Variants in IL13RA1 observed in about 807,000 individuals in gnomAD.
IL13RA1 encodes interleukin 13 receptor subunit alpha 1.
IL13RA1 carries 14 observed loss-of-function variants against 33.8 expected under a neutral mutation model. That is an observed-to-expected ratio of 0.41 (90% CI 0.27 to 0.65). The LOEUF (loss-of-function observed/expected upper bound fraction) is 0.65, where lower values mean the gene tolerates loss of function less well. IL13RA1 is among the 30% of genes least tolerant of loss of function. The pLI, the probability that IL13RA1 is intolerant of heterozygous loss-of-function variation, is 0.28. For synonymous variants in IL13RA1, 116 were observed against 115.7 expected, an observed-to-expected ratio of 1.00 and a Z score of -0.02; for missense variants, 313 against 327.0, an observed-to-expected ratio of 0.96 and a Z score of 0.33.
the IL13RA1 span, among the ~76,000 whole-genome samples, chrX:118,800,467 C>T: frequency 2.7e-5 from 3 of 110,646 alleles, no homozygotes; most frequent in Non-Finnish European, 3.8e-5. Context: ...GTAACACACA[C>T]CGCCAAGGTC....
the IL13RA1 span, among the ~76,000 whole-genome samples, chrX:118,804,394 TACACAC>T: frequency 1.2e-3 from 107 of 89,695 alleles, 1 homozygote; most frequent in East Asian, 0.014. Context: ...CAGCCATGCA[TACACAC>T]ACACACACAC....
chrX:118,730,005 G>C (rs1277447373), intron 1 of IL13RA1, among the ~76,000 whole-genome samples: 2 of 112,578 alleles, frequency 1.8e-5, no homozygotes, highest in Non-Finnish European at 3.7e-5. Flanking sequence ...TTGTTAAGAA[G>C]CTAATGATAC....
rs1049101284 is a variant in IL13RA1 at position 118,792,056 on chromosome X, T to C, written c.*202T>C. 1.5e-5 allele frequency: 4 copies of C among 263,978 alleles called. No homozygotes were observed. Among genetic ancestry groups the C allele is most frequent in the Non-Finnish European group, 2.6e-5 (4 of 151,688 alleles). 21.8% of individuals were successfully genotyped at this position (263,978 alleles called of 1,213,427 possible). A position where few individuals can be genotyped will look rare whatever the true frequency, so the allele number is the denominator to read the frequency against. ...GGGCGCTTTGGAGAAGAGTGTGGAG[T>C]CATTCTCATTGAATTATAAAAGCCA... On this transcript the variant is annotated 3_prime_UTR_variant, in exon 11 of 11. Transcript: ENST00000371666.
intron 1 of IL13RA1, among the ~76,000 whole-genome samples, chrX:118,729,968 G>T (rs2017198093): frequency 1.8e-5 from 2 of 112,027 alleles, no homozygotes; most frequent in Admixed American, 9.5e-5. Context: ...GGACGGCTTG[G>T]GACCCACGAA....
intron 10 of IL13RA1, among the ~76,000 whole-genome samples, chrX:118,777,093 A>AT (rs2017795340): frequency 1.8e-5 from 2 of 108,899 alleles, no homozygotes; most frequent in Non-Finnish European, 3.8e-5. Flanking sequence ...CTTTCCAGAA[A>AT]TTTTTCATCA....
intron 1 of IL13RA1, among the ~76,000 whole-genome samples, chrX:118,732,226 C>G (rs2017229630): frequency 9.1e-6 from 1 of 110,418 alleles, no homozygotes; most frequent in African/African-American, 3.3e-5. Flanking sequence ...CTGCCCCTAG[C>G]CCCTGGCAAA....
intron 10 of IL13RA1, among the ~76,000 whole-genome samples, chrX:118,784,088 AAAAT>A (rs2017877719): frequency 5.9e-5 from 3 of 50,765 alleles, no homozygotes; most frequent in African/African-American, 3.0e-4. Flanking sequence ...AAAAAAAAAA[AAAAT>A]ATATATATAT....
intron 4 of IL13RA1, among the ~76,000 whole-genome samples, chrX:118,752,933 T>C (rs1396649090): frequency 8.9e-6 from 1 of 112,132 alleles, no homozygotes; most frequent in Non-Finnish European, 1.9e-5. Context: ...TAGTAAAGTT[T>C]AGGGAGAGCT....
intron 10 of IL13RA1, among the ~76,000 whole-genome samples, chrX:118,777,602 T>C (rs1020821088): frequency 3.6e-5 from 4 of 111,399 alleles, no homozygotes; most frequent in African/African-American, 9.8e-5. Flanking sequence ...AAACATAGGG[T>C]AAGCAATTGA....
chrX:118,788,701 A>T (rs1332362491), intron 10 of IL13RA1, among the ~76,000 whole-genome samples: 2 of 111,951 alleles, frequency 1.8e-5, no homozygotes, highest in Non-Finnish European at 1.9e-5. Context: ...CAAAATTCCT[A>T]TTGGCATTTG....
intron 1 of IL13RA1, chrX:118,737,980 A>T (rs967584059): frequency 1.8e-5 from 2 of 111,940 alleles, no homozygotes; most frequent in African/African-American, 6.5e-5. Flanking sequence ...GTCTTCAAAA[A>T]TATCATTGAT....
chrX:118,736,660 G>A (rs186432521), intron 1 of IL13RA1, among the ~76,000 whole-genome samples: 107 of 112,042 alleles, frequency 9.5e-4, no homozygotes, highest in African/African-American at 3.3e-3. Flanking sequence ...AGGCTAGAGT[G>A]CAGTGGTGTG....
chrX:118,762,367 C>T (rs909243113), intron 6 of IL13RA1, among the ~76,000 whole-genome samples: 2 of 112,482 alleles, frequency 1.8e-5, no homozygotes, highest in African/African-American at 6.5e-5. Flanking sequence ...TTGTCTGCTA[C>T]CTGCCTGGAC....
chrX:118,777,198 A>G (rs2017796411), intron 10 of IL13RA1, among the ~76,000 whole-genome samples: 2 of 109,876 alleles, frequency 1.8e-5, no homozygotes, highest in South Asian at 7.8e-4. Context: ...GTCTCTATGA[A>G]TTAAATATTC....
chrX:118,775,404 A>G (rs745948164), intron 9 of IL13RA1, among the ~76,000 whole-genome samples: 7 of 111,237 alleles, frequency 6.3e-5, no homozygotes, highest in Non-Finnish European at 1.9e-5. Context: ...AGTTTTGAGC[A>G]GAGTAGGCAC....
At position 118,770,685 on chromosome X, in the gene IL13RA1, C is replaced by T. The variant is rs111450751; in HGVS notation, c.1010-3194C>T. On this transcript the variant is annotated intron_variant, in intron 8 of 10. Coordinates refer to ENST00000371666, the MANE Select transcript of IL13RA1 (RefSeq NM_001560.3). The stretch of plus-strand genomic sequence containing the variant: ...ACAACTACCTGGTGCGTGCATTTGG[C>T]GGCCACAGGCTCCGCATCTTCAGCA... The T allele has an allele frequency of 9.6e-3, 3,634 of 379,479 alleles. 100 individuals are homozygous for T. Among genetic ancestry groups the T allele is most frequent in the African/African-American group, 0.081 (3,194 of 39,505 alleles). 31.3% of individuals were successfully genotyped at this position (379,479 alleles called of 1,213,427 possible).
At chrX:118,800,375 C>T in the IL13RA1 span, among the ~76,000 whole-genome samples, 1 of 110,908 alleles carries the variant, frequency 9.0e-6, no homozygotes, top group African/African-American at 3.3e-5. Context: ...CTGCGAAGAC[C>T]TGCGGCTTCA....
rs189158833 is a variant in IL13RA1 at position 118,774,937 on chromosome X, T to C, written c.1106+962T>C. On this transcript the variant is annotated intron_variant, in intron 9 of 10. Coordinates refer to ENST00000371666, the MANE Select transcript of IL13RA1 (RefSeq NM_001560.3). Reference sequence around the variant, plus strand: ...GAGTGCCTATTTGTGAACCAGGTACTGTTCTAAGTGCTAAAGTTACAGCAG... The same window carrying C: ...GAGTGCCTATTTGTGAACCAGGTACCGTTCTAAGTGCTAAAGTTACAGCAG... Among the ~76,000 whole-genome samples the C allele has an allele frequency of 1.4e-4, 16 of 111,678 alleles. No individual in the cohort carries two copies. In the Admixed American group the frequency reaches 1.5e-3, roughly 11 times the overall value.
At chrX:118,751,900 C>CAAAAA (rs34902050) in intron 4 of IL13RA1, among the ~76,000 whole-genome samples, 6 of 48,976 alleles carry the variant, frequency 1.2e-4, no homozygotes, top group Admixed American at 2.5e-4. Context: ...GAATAGAATG[C>CAAAAA]AAAAAAAAAA....
Sources: gnomAD v4.1 joint callset for allele counts (sites outside exome capture counted in the v4.1 genomes callset) on GRCh38, gnomAD v4.1.1 for gene constraint, MANE v1.5 for transcripts, NCBI Gene and HGNC (gene_info 2026-07-23, HGNC 2026-07-21) for gene names.